Variants in FANCA observed in about 807,000 individuals in gnomAD.
FANCA encodes the protein Fanconi anemia group A protein.
FANCA carries 236 observed loss-of-function variants against 194.3 expected under a neutral mutation model. That is an observed-to-expected ratio of 1.21 (90% CI 1.09 to 1.35). The LOEUF (loss-of-function observed/expected upper bound fraction) is 1.35. Ranked by LOEUF, FANCA falls within the 40% of genes most tolerant of loss-of-function variation. The probability of loss-of-function intolerance (pLI) is 0.00; values close to 1 mark genes in which losing one functional copy is unlikely to be tolerated. For synonymous variants in FANCA, 1,014 were observed against 715.8 expected, an observed-to-expected ratio of 1.42 and a Z score of -6.65; for missense variants, 2,628 against 1,813.9, an observed-to-expected ratio of 1.45 and a Z score of -8.15.
intron 31 of FANCA, among the ~76,000 whole-genome samples, chr16:89,750,289 G>C (rs2038539266): frequency 1.3e-5 from 2 of 151,786 alleles, no homozygotes; most frequent in Non-Finnish European, 2.9e-5. Context: ...AGACCATCCT[G>C]GCTAACATGG....
intron 37 of FANCA, among the ~76,000 whole-genome samples, chr16:89,742,496 T>A (rs1343259950): frequency 6.6e-6 from 1 of 151,956 alleles, no homozygotes; most frequent in Non-Finnish European, 1.5e-5. Flanking sequence ...TTTTTACTAG[T>A]AAACTTGATA....
chr16:89,778,774 C>G, intron 20 of FANCA, 27 bp downstream of exon 20: 1 of 1,606,860 alleles, frequency 6.2e-7, no homozygotes, highest in Non-Finnish European at 8.5e-7. Flanking sequence ...TGGAAGTAGT[C>G]ATCCCCTTCT....
intron 30 of FANCA, among the ~76,000 whole-genome samples, chr16:89,753,650 C>G (rs572243860): frequency 6.6e-6 from 1 of 152,232 alleles, no homozygotes; most frequent in African/African-American, 2.4e-5. Context: ...TGGATGAAAA[C>G]CCACAGCAAA....
chr16:89,771,875 G>A (rs1428123453), intron 22 of FANCA, 61 bp from the exon 23 acceptor site: 7 of 1,595,800 alleles, frequency 4.4e-6, no homozygotes, highest in Non-Finnish European at 5.1e-6. Context: ...TACAGCTGCG[G>A]CCTAGAGAGC....
At position 89,778,997 on chromosome 16, in the gene FANCA, G is replaced by A. The variant is rs767556786; in HGVS notation, c.1722C>T (p.Phe574=). The A allele has an allele frequency of 4.3e-6, 7 of 1,613,478 alleles. No individual in the cohort carries two copies. In the Admixed American group the frequency reaches 8.3e-5, roughly 19 times the overall value. The change falls in exon 19 of 43, where the codon TTC becomes TTT. Residue 574 remains phenylalanine (F), a synonymous_variant. Transcript: ENST00000389301. ...AGTGGGACACGTAGTAAGGCCTCCT[G>A]AATATGCTGCAACACAGAGAAGCAG... ...IPVTVMEASI[F]RRPYYVSHFL... is the part of the protein sequence containing the mutation.
chr16:89,740,788 G>C lies in FANCA; in HGVS notation c.3828+16C>G. On this transcript the variant is annotated intron_variant, in intron 38 of 42. Transcript: ENST00000389301. ...ACAGTGGGAGAGGACACCTTGGCTG[G>C]TAAGGTCTGACTTACATTTGAGGTC... is the stretch of plus-strand genomic sequence containing the variant. The C allele has an allele frequency of 6.2e-7, 1 of 1,612,058 alleles. No homozygotes were observed. Among genetic ancestry groups the C allele is most frequent in the Non-Finnish European group, 8.5e-7 (1 of 1,178,608 alleles).
intron 14 of FANCA, among the ~76,000 whole-genome samples, chr16:89,788,284 G>A (rs2039961146): frequency 6.6e-6 from 1 of 151,882 alleles, no homozygotes. Context: ...AACATGGTGA[G>A]ACCCCATCTC....
At chr16:89,762,096 T>C (rs369439727) in intron 28 of FANCA, 74 bp from the exon 29 acceptor site, 4 of 1,214,980 alleles carry the variant, frequency 3.3e-6, no homozygotes, top group East Asian at 2.3e-5. Flanking sequence ...ATAAACCAGT[T>C]TGTCATTTCA....
Position 89,738,541 on chromosome 16 carries a change from G to T in FANCA, c.*60C>A. ...CTTTTTAGTGCAACAAGAGCTCCAT[G>T]TTATGCTTGTAATAAATTATTTACA... is the stretch of plus-strand genomic sequence containing the variant. On this transcript the variant is annotated 3_prime_UTR_variant, in exon 43 of 43. Transcript: ENST00000389301. 1 of 1,609,688 alleles carries T rather than the reference G, an allele frequency of 6.2e-7. No homozygotes were observed. The highest frequency in any genetic ancestry group is 8.5e-7 in the Non-Finnish European group (1 of 1,178,014).
In FANCA at chr16:89,752,191, C is replaced by A; in HGVS notation, c.3013G>T (p.Asp1005Tyr). 3 of 1,614,114 alleles carry A rather than the reference C, an allele frequency of 1.9e-6. No homozygotes were observed. The highest frequency in any genetic ancestry group is 2.2e-5 in the South Asian group (2 of 91,084). Residue 1005 changes from aspartate to tyrosine, a missense_variant, in exon 31 of 43, where the codon GAT (aspartate) becomes TAT (tyrosine). Coordinates refer to ENST00000389301, the MANE Select transcript of FANCA (RefSeq NM_000135.4). ...CCTGTGCGGCCACCAAAGACCAAAT[C>A]AGAATTTTCTGAGTGGTCATAACTC... ...SRSYDHSENS[D>Y]LVFGGRTGNE... is the part of the protein sequence containing the mutation.
chr16:89,810,877 C>A, intron 4 of FANCA, 52 bp downstream of exon 4: 5 of 1,614,056 alleles, frequency 3.1e-6, no homozygotes. Context: ...ATTTTCCCAA[C>A]CAGCTTAAAA....
intron 5 of FANCA, among the ~76,000 whole-genome samples, chr16:89,810,072 C>G (rs1378662115): frequency 2.0e-5 from 3 of 151,656 alleles, no homozygotes; most frequent in Non-Finnish European, 4.4e-5. Context: ...CTTGTAATCC[C>G]AGCACTTTGG....
chr16:89,739,033 G>C, intron 41 of FANCA, 59 bp from the exon 42 acceptor site: 2 of 1,614,054 alleles, frequency 1.2e-6, no homozygotes, highest in South Asian at 2.2e-5. Flanking sequence ...GGGCTGGTGT[G>C]TCCCCCATAG....
At chr16:89,765,337 G>A (rs2039090375) in intron 27 of FANCA, among the ~76,000 whole-genome samples, 1 of 151,246 alleles carries the variant, frequency 6.6e-6, no homozygotes, top group Non-Finnish European at 1.5e-5. Flanking sequence ...CCCACGTTCA[G>A]GGGACCTCAG....
intron 39 of FANCA, chr16:89,739,791 C>T (rs1258311819): frequency 5.5e-6 from 8 of 1,466,728 alleles, no homozygotes; most frequent in Non-Finnish European, 6.3e-6. Context: ...CCATGATAGG[C>T]CCATTGGTCC....
chr16:89,803,307 C>G lies in FANCA; in HGVS notation c.744G>C (p.Gln248His), dbSNP rs775593865. Residue 248 changes from glutamine to histidine, a missense_variant, in exon 8 of 43, where the codon CAG (glutamine) becomes CAC (histidine). Coordinates refer to ENST00000389301, the MANE Select transcript of FANCA (RefSeq NM_000135.4). ...CAGTTCTTCTCAGATCTGAGTTTTTCTGAAATCCCCTCAAAACAAACATTT... is the reference window on the plus strand; with the variant it reads ...CAGTTCTTCTCAGATCTGAGTTTTTGTGAAATCCCCTCAAAACAAACATTT... ...FVQMFVLRGF[Q>H]KNSDLRRTVE... 3 of 1,614,154 alleles carry G rather than the reference C, an allele frequency of 1.9e-6. No homozygotes were observed. The South Asian group carries it at 3.3e-5, about 18-fold the overall frequency.
intron 23 of FANCA, among the ~76,000 whole-genome samples, chr16:89,771,180 C>G (rs925926530): frequency 3.5e-5 from 5 of 141,808 alleles, no homozygotes; most frequent in African/African-American, 1.4e-4. Flanking sequence ...AAAAAGAGGC[C>G]AAGTGCCGTG....
At chr16:89,774,754 A>AAAAAAAAAAAAAAAAAAC (rs34932314) in intron 21 of FANCA, among the ~76,000 whole-genome samples, 6 of 145,718 alleles carry the variant, frequency 4.1e-5, no homozygotes, top group Admixed American at 6.9e-5. Flanking sequence ...AAAAAAAAAA[A>AAAAAAAAAAAAAAAAAAC]TCTCAACGAG....
chr16:89,759,748 G>C (rs1052799403), intron 29 of FANCA, among the ~76,000 whole-genome samples: 1 of 152,218 alleles, frequency 6.6e-6, no homozygotes, highest in African/African-American at 2.4e-5. Flanking sequence ...CCAACAGAGT[G>C]AGACCCTGTC....
Sources: allele counts gnomAD v4.1 joint callset (sites outside exome capture counted in the v4.1 genomes callset), GRCh38; gene constraint gnomAD v4.1.1; transcripts MANE v1.5; gene names NCBI Gene and HGNC (gene_info 2026-07-23, HGNC 2026-07-21).